KLHL1: variants seen among roughly 807,000 people sequenced by gnomAD.
KLHL1 encodes the protein kelch like family member 1, also known as kelch-like protein 1.
Under a neutral mutation model 77.7 loss-of-function variants are expected in KLHL1, and 47 were observed. The observed-to-expected ratio is 0.60, with a 90% confidence interval of 0.48 to 0.77. The LOEUF (loss-of-function observed/expected upper bound fraction) is 0.77, where lower values mean the gene tolerates loss of function less well. KLHL1 is among the 30% of genes least tolerant of loss of function. KLHL1 has a pLI of 0.00. For synonymous variants in KLHL1, 360 were observed against 325.2 expected (o/e 1.11, Z -1.15); for missense variants, 925 against 910.8 (o/e 1.02, Z -0.20).
intron 1 of KLHL1, among the ~76,000 whole-genome samples, chr13:70,093,160 T>C (rs1321805240): frequency 1.3e-5 from 2 of 152,122 alleles, no homozygotes; most frequent in African/African-American, 2.4e-5. Context: ...GAATTGAATA[T>C]CTTAGAAGAG....
intron 7 of KLHL1, among the ~76,000 whole-genome samples, chr13:69,767,656 A>C (rs1875372316): frequency 6.6e-6 from 1 of 152,356 alleles, no homozygotes; most frequent in African/African-American, 2.4e-5. Flanking sequence ...TGATGATAAC[A>C]TCAATAGATT....
chr13:69,973,392 A>G (rs934625995), intron 2 of KLHL1, among the ~76,000 whole-genome samples: 19 of 151,758 alleles, frequency 1.3e-4, no homozygotes, highest in African/African-American at 3.9e-4. Flanking sequence ...AATACTGAGC[A>G]AGTGCTAATA....
intron 5 of KLHL1, among the ~76,000 whole-genome samples, chr13:69,857,365 C>T (rs1411507704): frequency 6.6e-6 from 1 of 151,986 alleles, no homozygotes; most frequent in Non-Finnish European, 1.5e-5. Flanking sequence ...ACCTACTTGC[C>T]TCAAATTTAC....
At chr13:69,920,369 T>C (rs1028860260) in intron 4 of KLHL1, among the ~76,000 whole-genome samples, 12 of 152,128 alleles carry the variant, frequency 7.9e-5, no homozygotes, top group African/African-American at 2.7e-4. Flanking sequence ...CCATTTGTGG[T>C]TCACAGTGCT....
chr13:69,927,039 G>A (rs764537357), intron 4 of KLHL1, among the ~76,000 whole-genome samples: 19 of 149,560 alleles, frequency 1.3e-4, no homozygotes, highest in Non-Finnish European at 2.5e-4. Flanking sequence ...AAGAGAATGC[G>A]GTACTGGCAT....
chr13:70,074,035 A>G (rs1887202764), intron 1 of KLHL1, among the ~76,000 whole-genome samples: 1 of 151,984 alleles, frequency 6.6e-6, no homozygotes, highest in African/African-American at 2.4e-5. Flanking sequence ...CATGTTGGTC[A>G]GGCTTGTTCT....
At chr13:70,042,113 T>C (rs1029770445) in intron 1 of KLHL1, among the ~76,000 whole-genome samples, 5 of 152,112 alleles carry the variant, frequency 3.3e-5, no homozygotes, top group African/African-American at 1.2e-4. Context: ...GGCATTTCTA[T>C]GTTAGTGACT....
At chr13:69,832,764 G>C (rs1006101134) in intron 6 of KLHL1, among the ~76,000 whole-genome samples, 3 of 151,968 alleles carry the variant, frequency 2.0e-5, no homozygotes, top group African/African-American at 7.2e-5. Context: ...TAGGCACACA[G>C]ACAAATAGAA....
At chr13:69,739,628 A>G (rs1873903877) in intron 8 of KLHL1, among the ~76,000 whole-genome samples, 1 of 152,266 alleles carries the variant, frequency 6.6e-6, no homozygotes, top group African/African-American at 2.4e-5. Flanking sequence ...ACTTTAAATC[A>G]ACAAAGATCA....
chr13:70,034,363 T>A (rs1886188123), intron 1 of KLHL1, among the ~76,000 whole-genome samples: 1 of 152,184 alleles, frequency 6.6e-6, no homozygotes, highest in Non-Finnish European at 1.5e-5. Flanking sequence ...CAAACTAGAT[T>A]CTTTAGGTCA....
At position 69,740,355 on chromosome 13, in the gene KLHL1, T is replaced by C. The variant is rs762673129; in HGVS notation, c.1802+39A>G. ...TCAAATAATATTTACCCAATAACTT[T>C]TTTTCTAAGATTAAAAAATAAGAAA... On this transcript the variant is annotated intron_variant, in intron 8 of 10. Coordinates refer to ENST00000377844, the MANE Select transcript of KLHL1 (RefSeq NM_020866.3). 2.8e-6 allele frequency: 4 copies of C among 1,418,252 alleles called. No homozygotes were observed. The Admixed American group carries it at 6.3e-5, about 22-fold the overall frequency. 87.9% of individuals were successfully genotyped at this position (1,418,252 alleles called of 1,614,324 possible). A position where few individuals can be genotyped will look rare whatever the true frequency, so the allele number is the denominator to read the frequency against.
At chr13:69,948,048 T>C (rs1883585108) in intron 3 of KLHL1, among the ~76,000 whole-genome samples, 1 of 152,086 alleles carries the variant, frequency 6.6e-6, no homozygotes, top group African/African-American at 2.4e-5. Flanking sequence ...TTGATATACG[T>C]AAGAAGTCAA....
At chr13:69,780,716 G>GTA (rs1290786295) in intron 7 of KLHL1, among the ~76,000 whole-genome samples, 6,438 of 47,494 alleles carry the variant, frequency 0.14, 445 homozygotes, top group East Asian at 0.25. Flanking sequence ...ATATATATAT[G>GTA]TATATATATA....
intron 1 of KLHL1, among the ~76,000 whole-genome samples, chr13:70,071,380 C>T (rs1033703949): frequency 6.6e-6 from 1 of 151,850 alleles, no homozygotes; most frequent in Non-Finnish European, 1.5e-5. Context: ...GACAGAACTC[C>T]AAGGAAAAAT....
chr13:69,973,221 A>G (rs1321381473), intron 2 of KLHL1, among the ~76,000 whole-genome samples: 1 of 151,954 alleles, frequency 6.6e-6, no homozygotes, highest in African/African-American at 2.4e-5. Context: ...AATTGTGACC[A>G]ATATCAAGTT....
chr13:69,798,070 G>C (rs189116737), intron 6 of KLHL1, among the ~76,000 whole-genome samples: 60 of 148,398 alleles, frequency 4.0e-4, no homozygotes, highest in Admixed American at 9.4e-4. Context: ...AAAAATGCCT[G>C]TGTAGAACAA....
intron 4 of KLHL1, among the ~76,000 whole-genome samples, chr13:69,932,305 AT>A (rs895222504): frequency 6.6e-6 from 1 of 151,540 alleles, no homozygotes; most frequent in Non-Finnish European, 1.5e-5. Flanking sequence ...ATAAAAACAG[AT>A]TTTTTTCTCA....
chr13:70,097,889 T>G (rs1051961489), intron 1 of KLHL1, among the ~76,000 whole-genome samples: 2 of 68,092 alleles, frequency 2.9e-5, no homozygotes, highest in African/African-American at 9.9e-5. Context: ...TCCTTTCTGT[T>G]TTTTTTTTTT....
chr13:69,970,676 A>G (rs1884357594), intron 2 of KLHL1, among the ~76,000 whole-genome samples: 2 of 152,172 alleles, frequency 1.3e-5, no homozygotes, highest in African/African-American at 4.8e-5. Flanking sequence ...ACTAAGAATC[A>G]GGATAAATCC....
Sources: gnomAD v4.1 joint callset for allele counts (sites outside exome capture counted in the v4.1 genomes callset) on GRCh38, gnomAD v4.1.1 for gene constraint, MANE v1.5 for transcripts, NCBI Gene and HGNC (gene_info 2026-07-23, HGNC 2026-07-21) for gene names.